Variants in PCDH15 observed in about 807,000 individuals in gnomAD.
PCDH15 encodes the protein protocadherin-15.
Under a neutral mutation model 178.5 loss-of-function variants are expected in PCDH15, and 129 were observed. The ratio of observed to expected loss-of-function variants is 0.72; its 90% CI spans 0.63 to 0.84. The LOEUF (loss-of-function observed/expected upper bound fraction) is 0.84, where lower values mean the gene tolerates loss of function less well. PCDH15 is among the 40% of genes least tolerant of loss of function. The pLI, the probability that PCDH15 is intolerant of heterozygous loss-of-function variation, is 0.00. For synonymous variants in PCDH15, 800 were observed against 732.0 expected (o/e 1.09, Z -1.50); for missense variants, 2,230 against 2,099.9 (o/e 1.06, Z -1.21).
chr10:54,458,068 T>C (rs74650443), intron 3 of PCDH15, among the ~76,000 whole-genome samples: 12,331 of 152,244 alleles, frequency 0.081, 541 homozygotes, highest in East Asian at 0.11. Flanking sequence ...ATTTCTTATG[T>C]ATGTTTTATG....
chr10:54,892,780 G>T (rs1363790112), intron 3 of PCDH15, among the ~76,000 whole-genome samples: 1 of 150,104 alleles, frequency 6.7e-6, no homozygotes, highest in Non-Finnish European at 1.5e-5. Flanking sequence ...ACCCAAGCTG[G>T]AGTGCAATGG....
chr10:54,231,865 G>A (rs997775725), intron 9 of PCDH15, among the ~76,000 whole-genome samples: 3 of 152,184 alleles, frequency 2.0e-5, no homozygotes, highest in African/African-American at 7.2e-5. Flanking sequence ...TGGAATGGGT[G>A]TATTCACCCA....
Position 54,934,040 on chromosome 10 carries a change from G to A in PCDH15, c.-79-36540C>T, listed in dbSNP as rs116123675. ...ATCAATATAAAGGTGTAACATCAAA[G>A]AACAGTAATTGATTTCCTAAAATAA... On this transcript the variant is annotated intron_variant, in intron 2 of 5. Coordinates refer to the PCDH15 transcript ENST00000458638. Among the ~76,000 whole-genome samples the A allele has an allele frequency of 2.2e-3, 342 of 152,184 alleles. 1 individual carries two copies. The highest frequency in any genetic ancestry group is 7.5e-3 in the African/African-American group (313 of 41,542).
At chr10:54,352,637 C>A (rs1165351314) in intron 5 of PCDH15, among the ~76,000 whole-genome samples, 1 of 151,956 alleles carries the variant, frequency 6.6e-6, no homozygotes, top group African/African-American at 2.4e-5. Context: ...TAGACATTAA[C>A]AAAAAAGAAG....
chr10:55,083,844 A>G (rs1460690767), intron 2 of PCDH15, among the ~76,000 whole-genome samples: 1 of 151,846 alleles, frequency 6.6e-6, no homozygotes, highest in Non-Finnish European at 1.5e-5. Context: ...CAAGACACCC[A>G]GAAATAAACT....
At chr10:55,336,695 C>G (rs1217977014) in intron 2 of PCDH15, among the ~76,000 whole-genome samples, 3 of 151,992 alleles carry the variant, frequency 2.0e-5, no homozygotes, top group Admixed American at 2.0e-4. Flanking sequence ...CCTTTCACCC[C>G]CTCATCCCCA....
chr10:54,779,452 T>TATATATGTGTATATATACACA (rs1566221590), intron 1 of PCDH15, among the ~76,000 whole-genome samples: 1 of 110,862 alleles, frequency 9.0e-6, no homozygotes, highest in East Asian at 2.7e-4. Flanking sequence ...ATATATACAC[T>TATATATGTGTATATATACACA]CATATATGTG....
At position 55,228,767 on chromosome 10, in the gene PCDH15, G is replaced by C. The variant is rs541631671; in HGVS notation, c.-155-62116C>G. Among the ~76,000 whole-genome samples, 14 of 151,858 alleles carry C rather than the reference G, an allele frequency of 9.2e-5. No individual in the cohort carries two copies. The East Asian group carries it at 2.3e-3, about 25-fold the overall frequency. ...AATTATGATAAACAAAATCTTATTA[G>C]TAAATTTTATTACCAACATTTTAAA... On this transcript the variant is annotated intron_variant, in intron 1 of 5. Transcript: ENST00000458638.
chr10:54,241,280 G>T (rs776044476), intron 8 of PCDH15, among the ~76,000 whole-genome samples: 22 of 152,080 alleles, frequency 1.4e-4, no homozygotes, highest in Non-Finnish European at 2.5e-4. Context: ...CCTAGTTTTT[G>T]ACTTTACTGC....
chr10:53,857,309 A>G (rs1392315982), intron 27 of PCDH15, 46 bp from the exon 28 acceptor site: 1 of 1,457,784 alleles, frequency 6.9e-7, no homozygotes, highest in Admixed American at 1.7e-5. Context: ...ACTCACTGAA[A>G]TTTCCATAAT....
chr10:53,946,263 A>G (rs1297852061), intron 23 of PCDH15, among the ~76,000 whole-genome samples: 1 of 152,120 alleles, frequency 6.6e-6, no homozygotes, highest in Admixed American at 6.5e-5. Context: ...TTGAGTTCCT[A>G]TTCCGGCTGG....
chr10:54,255,011 T>C (rs78316662), intron 8 of PCDH15, among the ~76,000 whole-genome samples: 2,222 of 152,294 alleles, frequency 0.015, 57 homozygotes, highest in African/African-American at 0.048. Flanking sequence ...AAAGTGTAGG[T>C]ACCATCACAC....
intron 2 of PCDH15, among the ~76,000 whole-genome samples, chr10:55,054,941 A>C (rs1841259616): frequency 3.3e-5 from 5 of 152,198 alleles, no homozygotes; most frequent in Admixed American, 3.3e-4. Context: ...CATAGTTTGC[A>C]AAGCTTTTCC....
chr10:55,227,527 G>A (rs1367605625), intron 1 of PCDH15, among the ~76,000 whole-genome samples: 2 of 148,696 alleles, frequency 1.3e-5, no homozygotes, highest in African/African-American at 2.5e-5. Context: ...CAGTAATAGA[G>A]CAGAAGGATG....
chr10:54,535,705 A>G (rs1231056194), intron 2 of PCDH15, among the ~76,000 whole-genome samples: 1 of 79,940 alleles, frequency 1.3e-5, no homozygotes, highest in African/African-American at 4.7e-5. Flanking sequence ...GCGAGACTCC[A>G]CCTCAAAAAA....
At chr10:55,426,333 T>C (rs7910671) in intron 2 of PCDH15, among the ~76,000 whole-genome samples, 2,282 of 152,248 alleles carry the variant, frequency 0.015, 58 homozygotes, top group African/African-American at 0.052. Flanking sequence ...ACACCAGCGT[T>C]TGAGCCATCT....
intron 2 of PCDH15, among the ~76,000 whole-genome samples, chr10:55,475,711 A>G (rs576054685): frequency 2.0e-5 from 3 of 152,308 alleles, no homozygotes; most frequent in African/African-American, 7.2e-5. Context: ...TCACCAAGAT[A>G]TCTCATTATG....
intron 6 of PCDH15, among the ~76,000 whole-genome samples, chr10:54,339,002 T>C (rs1941733302): frequency 6.6e-6 from 1 of 152,144 alleles, no homozygotes; most frequent in Non-Finnish European, 1.5e-5. Context: ...AAAATGAAAG[T>C]TACTGCAGAT....
chr10:55,391,196 T>C (rs530384541), intron 2 of PCDH15, among the ~76,000 whole-genome samples: 13 of 152,240 alleles, frequency 8.5e-5, no homozygotes, highest in Admixed American at 3.3e-4. Context: ...CTGTAGCTTC[T>C]ACATCAGGAC....
Sources: allele counts gnomAD v4.1 joint callset (sites outside exome capture counted in the v4.1 genomes callset), GRCh38; gene constraint gnomAD v4.1.1; transcripts MANE v1.5; gene names NCBI Gene and HGNC (gene_info 2026-07-23, HGNC 2026-07-21).